The following AGMO variants were observed in gnomAD, a reference collection of about 807,000 sequenced individuals.
The protein encoded by AGMO is alkylglycerol monooxygenase, also known as glyceryl-ether monooxygenase.
Under a neutral mutation model 60.2 loss-of-function variants are expected in AGMO, and 75 were observed. That is an observed-to-expected ratio of 1.25 (90% CI 1.03 to 1.51). The LOEUF is 1.51. AGMO is among the 40% of genes most tolerant of loss of function. AGMO has a pLI of 0.00. For missense variants in AGMO, 763 were observed against 525.5 expected (o/e 1.45, Z -4.42); for synonymous variants, 261 against 177.1 (o/e 1.47, Z -3.76).
chr7:15,417,083 A>G (rs1170331480), intron 5 of AGMO, among the ~76,000 whole-genome samples: 1 of 152,206 alleles, frequency 6.6e-6, no homozygotes, highest in East Asian at 1.9e-4. Flanking sequence ...TTCACGGTTA[A>G]TAATACAATT....
chr7:15,312,178 A>T (rs1780786070), intron 12 of AGMO, among the ~76,000 whole-genome samples: 1 of 152,130 alleles, frequency 6.6e-6, no homozygotes, highest in Admixed American at 6.5e-5. Flanking sequence ...AAGGAAAAAG[A>T]AAGAGAACTG....
At chr7:15,209,564 C>T (rs76616267) in intron 12 of AGMO, among the ~76,000 whole-genome samples, 8,247 of 152,166 alleles carry the variant, frequency 0.054, 407 homozygotes, top group Admixed American at 0.12. Flanking sequence ...TCCCAGCATA[C>T]GCTAATAGAA....
intron 12 of AGMO, among the ~76,000 whole-genome samples, chr7:15,239,057 G>C (rs1202185758): frequency 6.6e-6 from 1 of 152,040 alleles, no homozygotes; most frequent in East Asian, 1.9e-4. Context: ...GTAGTACCTG[G>C]CAAACCTAAA....
intron 2 of AGMO, among the ~76,000 whole-genome samples, chr7:15,556,587 G>C (rs1785147181): frequency 6.6e-6 from 1 of 151,990 alleles, no homozygotes; most frequent in South Asian, 2.1e-4. Context: ...ACAAATTGAA[G>C]TCCCAGTTTT....
chr7:15,355,971 C>A (rs1018128114), intron 12 of AGMO, among the ~76,000 whole-genome samples: 5 of 101,552 alleles, frequency 4.9e-5, no homozygotes, highest in African/African-American at 3.0e-4. Context: ...TTCCTTCAAA[C>A]ATAATGATCC....
chr7:15,288,079 A>G (rs558035073), intron 12 of AGMO, among the ~76,000 whole-genome samples: 212 of 151,780 alleles, frequency 1.4e-3, no homozygotes, highest in African/African-American at 4.8e-3. Context: ...GCTGGAGTGC[A>G]TTGGCACAGT....
At chr7:15,544,134 A>G (rs963097922) in intron 3 of AGMO, among the ~76,000 whole-genome samples, 2 of 151,846 alleles carry the variant, frequency 1.3e-5, no homozygotes, top group African/African-American at 4.8e-5. Context: ...AAAACCAAAC[A>G]TCATATGTTC....
intron 12 of AGMO, among the ~76,000 whole-genome samples, chr7:15,302,488 T>C (rs923928991): frequency 6.6e-6 from 1 of 152,154 alleles, no homozygotes; most frequent in Admixed American, 6.5e-5. Context: ...GTTCTAACTC[T>C]AGAACTTAAT....
the AGMO span, among the ~76,000 whole-genome samples, chr7:15,158,941 T>G: frequency 6.6e-6 from 1 of 152,152 alleles, no homozygotes; most frequent in Non-Finnish European, 1.5e-5. Context: ...TATCCAGAAT[T>G]GGATTCCATG....
At chr7:15,121,449 G>T in the AGMO span, among the ~76,000 whole-genome samples, 1 of 152,138 alleles carries the variant, frequency 6.6e-6, no homozygotes, top group Admixed American at 6.5e-5. Flanking sequence ...CAGTGTAAAA[G>T]CGTTCCTATT....
chr7:15,196,682 A>C (rs567699082), downstream of AGMO, among the ~76,000 whole-genome samples: 2 of 152,338 alleles, frequency 1.3e-5, no homozygotes, highest in South Asian at 4.1e-4. Flanking sequence ...AAAAAGATCC[A>C]CAGGTAATCC....
chr7:15,544,287 G>A (rs1218613277), intron 3 of AGMO, among the ~76,000 whole-genome samples: 2 of 151,930 alleles, frequency 1.3e-5, no homozygotes, highest in Non-Finnish European at 2.9e-5. Context: ...TCGGGTGATA[G>A]GTGCACCACA....
intron 4 of AGMO, 60 bp from the exon 5 acceptor site, chr7:15,418,713 A>G: frequency 1.0e-6 from 1 of 991,186 alleles, no homozygotes; most frequent in South Asian, 1.5e-5. Flanking sequence ...TGCTTTGTTA[A>G]TGGTTCAATA....
chr7:15,400,780 AT>A (rs1413495018), intron 5 of AGMO, among the ~76,000 whole-genome samples: 1 of 152,220 alleles, frequency 6.6e-6, no homozygotes. Flanking sequence ...AAACTGGATA[AT>A]AAGGTGATTA....
At chr7:15,446,482 G>A (rs1781701743) in intron 3 of AGMO, among the ~76,000 whole-genome samples, 1 of 152,184 alleles carries the variant, frequency 6.6e-6, no homozygotes, top group African/African-American at 2.4e-5. Context: ...TGCACACCAT[G>A]TGAAGAAGAT....
At chr7:15,394,050 G>A (rs1583501541) in intron 6 of AGMO, 63 bp downstream of exon 6, 19 of 1,249,568 alleles carry the variant, frequency 1.5e-5, no homozygotes, top group Non-Finnish European at 1.9e-5. Context: ...ATGAGATTAA[G>A]GAAAATAATA....
At chr7:15,165,253 A>G in the AGMO span, among the ~76,000 whole-genome samples, 1 of 152,216 alleles carries the variant, frequency 6.6e-6, no homozygotes, top group African/African-American at 2.4e-5. Flanking sequence ...GGAGAGAATA[A>G]GGGTTGAAAA....
intron 2 of AGMO, among the ~76,000 whole-genome samples, chr7:15,555,831 T>C (rs1785117674): frequency 6.6e-6 from 1 of 152,060 alleles, no homozygotes; most frequent in Admixed American, 6.6e-5. Flanking sequence ...AGTCTATTTA[T>C]TAGTTTTCTA....
chr7:15,143,501 T>A, the AGMO span, among the ~76,000 whole-genome samples: 8,565 of 152,246 alleles, frequency 0.056, 318 homozygotes, highest in African/African-American at 0.11. Flanking sequence ...TGCAGACTGT[T>A]GTAAACTCAG....
Sources: gnomAD v4.1 joint callset for allele counts (sites outside exome capture counted in the v4.1 genomes callset) on GRCh38, gnomAD v4.1.1 for gene constraint, MANE v1.5 for transcripts, NCBI Gene and HGNC (gene_info 2026-07-23, HGNC 2026-07-21) for gene names.